Variants in UNK observed in about 807,000 individuals in gnomAD.
UNK encodes the protein unk zinc finger, also known as RING finger protein unkempt homolog.
In UNK, 32 loss-of-function variants were observed where a neutral mutation model predicts 97.6. The observed-to-expected ratio is 0.33, with a 90% confidence interval of 0.25 to 0.44. The LOEUF (loss-of-function observed/expected upper bound fraction) is 0.44. UNK is among the 20% of genes least tolerant of loss of function. The pLI is 1.00. For missense variants in UNK, 771 were observed against 1,098.4 expected (o/e 0.70, Z 4.21); for synonymous variants, 441 against 461.2 (o/e 0.96, Z 0.56).
chr17:75,818,695 T>C lies in UNK; in HGVS notation c.1425T>C (p.Ser475=), dbSNP rs776267684. ...GCCCCCTGACCTCAAGCATCTCTTCTAGTATCACCTCCAGCCTGGCAGCTA... is the reference window on the plus strand; with the variant it reads ...GCCCCCTGACCTCAAGCATCTCTTCCAGTATCACCTCCAGCCTGGCAGCTA... ...AGSPLTSSIS[S]SITSSLAATP... The change falls in exon 11 of 16, where the codon TCT becomes TCC. Residue 475 remains serine, a synonymous_variant. Coordinates refer to ENST00000589666, the MANE Select transcript of UNK (RefSeq NM_001080419.3). This position sits in a 1 kb window ranked among gnomAD's most constrained non-coding sequence, Gnocchi z 5.1. 4 of 1,612,590 alleles carry C rather than the reference T, an allele frequency of 2.5e-6. No individual in the cohort carries two copies. In the South Asian group the frequency reaches 3.3e-5, roughly 13 times the overall value.
chr17:75,812,584 A>C lies in UNK; in HGVS notation c.621A>C (p.Gln207His). The C allele has an allele frequency of 6.2e-7, 1 of 1,612,744 alleles. No individual in the cohort carries two copies. The highest frequency in any genetic ancestry group is 8.5e-7 in the Non-Finnish European group (1 of 1,179,682). ...EKILSEEPRWQETAYVLGNYK... is the reference protein window; with the variant it reads ...EKILSEEPRWHETAYVLGNYK... ...TCCTCAGCGAGGAGCCTCGGTGGCA[A>C]GGTACAGGCATCCACACCTCGGCCG... The change falls in exon 4 of 16, where the codon CAA becomes CAC. Residue 207 changes from glutamine to histidine, a missense_variant and splice_region_variant. Transcript: ENST00000589666.
Position 75,818,218 on chromosome 17 carries a change from C to A in UNK, c.1371+50C>A. ...TCCCCTCTGCTGTGGACAGGAGTGG[C>A]CCAGAACCCCAGGAGGCTTCGGGGA... is the stretch of plus-strand genomic sequence containing the variant. On this transcript the variant is annotated intron_variant, in intron 10 of 15. Transcript: ENST00000589666. The surrounding 1 kb of genome is among the most constrained non-coding windows in gnomAD (Gnocchi z 5.1). The A allele has an allele frequency of 6.2e-7, 1 of 1,600,992 alleles. No homozygotes were observed. Among genetic ancestry groups the A allele is most frequent in the East Asian group, 2.2e-5 (1 of 44,736 alleles).
intron 1 of UNK, among the ~76,000 whole-genome samples, chr17:75,800,850 G>T (rs191271393): frequency 6.6e-6 from 1 of 152,228 alleles, no homozygotes; most frequent in East Asian, 1.9e-4. Context: ...TGCAACAGGA[G>T]ACTGACTATA....
chr17:75,785,709 T>G (rs1156367613), intron 1 of UNK: 2 of 152,082 alleles, frequency 1.3e-5, no homozygotes, highest in African/African-American at 4.8e-5. Context: ...CTGGAAGTCT[T>G]GCATCTGTGT....
In UNK at chr17:75,786,958, A is replaced by G. The variant is rs552277167; in HGVS notation, c.104+1974A>G. Among the ~76,000 whole-genome samples, 43 of 152,352 alleles carry G rather than the reference A, an allele frequency of 2.8e-4. 2 individuals carry two copies. The South Asian group carries it at 8.1e-3, about 29-fold the overall frequency. On this transcript the variant is annotated intron_variant, in intron 1 of 15. Transcript: ENST00000589666. ...GCTCTTGAGGTGTCTTAGGAAATCA[A>G]CAGGAGTAGGTGAAATAGCCAAGCT... is the stretch of plus-strand genomic sequence containing the variant.
intron 1 of UNK, among the ~76,000 whole-genome samples, chr17:75,801,225 C>G (rs1173180878): frequency 1.3e-5 from 2 of 152,064 alleles, no homozygotes; most frequent in Non-Finnish European, 2.9e-5. Context: ...TTTATACGTT[C>G]TTCATCACCA....
intron 14 of UNK, among the ~76,000 whole-genome samples, chr17:75,822,980 AGCTGCAGCCG>A (rs1374071323): frequency 6.6e-6 from 1 of 152,264 alleles, no homozygotes; most frequent in Admixed American, 6.5e-5. Flanking sequence ...CCCCCTGTCC[AGCTGCAGCCG>A]GCTACCCTAT....
intron 6 of UNK, among the ~76,000 whole-genome samples, chr17:75,814,812 C>A (rs955453283): frequency 6.6e-6 from 1 of 152,240 alleles, no homozygotes; most frequent in African/African-American, 2.4e-5. Context: ...TGACAGGGTT[C>A]ACATTGGCAG....
chr17:75,808,317 G>C (rs2061937200), intron 1 of UNK, among the ~76,000 whole-genome samples: 2 of 152,178 alleles, frequency 1.3e-5, no homozygotes, highest in Non-Finnish European at 2.9e-5. Context: ...AAGAGCATCA[G>C]GCCATAGGGA....
In UNK at chr17:75,806,221, C is replaced by T. The variant is rs143823308; in HGVS notation, c.105-3539C>T. 5.3e-3 allele frequency among the ~76,000 whole-genome samples: 812 copies of T among 152,052 alleles called. 5 individuals carry two copies. The highest frequency in any genetic ancestry group is 0.018 in the African/African-American group (731 of 41,458). ...CTGTAATCCCGGCACTTTGGGAGGC[C>T]GAGGCGGGCGGATCGCAAGTTCAGG... On this transcript the variant is annotated intron_variant, in intron 1 of 15. Transcript: ENST00000589666.
intron 1 of UNK, among the ~76,000 whole-genome samples, chr17:75,803,118 G>A (rs1030097379): frequency 6.7e-6 from 1 of 148,312 alleles, no homozygotes; most frequent in Non-Finnish European, 1.5e-5. Flanking sequence ...AAAATTACAG[G>A]CCGGACGCGG....
intron 1 of UNK, among the ~76,000 whole-genome samples, chr17:75,802,423 T>C (rs957244395): frequency 6.6e-6 from 1 of 151,786 alleles, no homozygotes; most frequent in Non-Finnish European, 1.5e-5. Context: ...CTTAGTTTTT[T>C]AAAAAAATGT....
At chr17:75,797,470 G>A (rs1567796433) in intron 1 of UNK, among the ~76,000 whole-genome samples, 1 of 152,220 alleles carries the variant, frequency 6.6e-6, no homozygotes, top group Non-Finnish European at 1.5e-5. Flanking sequence ...CCTGACCTCA[G>A]GCGATCCGCC....
rs1425590907 is a variant in UNK, at chr17:75,819,884, C to T, written c.1649-36C>T. On this transcript the variant is annotated intron_variant, in intron 12 of 15. Coordinates refer to ENST00000589666, the MANE Select transcript of UNK (RefSeq NM_001080419.3). This position sits in a 1 kb window ranked among gnomAD's most constrained non-coding sequence, Gnocchi z 5.4. The stretch of plus-strand genomic sequence containing the variant: ...TGTGGCCCGCCTGGCTTCCGCTGCC[C>T]TCACCCAGCCCGTCCTCCCCGGGCC... 3 of 1,601,780 alleles carry T rather than the reference C, an allele frequency of 1.9e-6. No homozygotes were observed. The highest frequency in any genetic ancestry group is 2.6e-6 in the Non-Finnish European group (3 of 1,173,516).
intron 1 of UNK, among the ~76,000 whole-genome samples, chr17:75,809,497 A>C (rs541658423): frequency 6.6e-6 from 1 of 152,360 alleles, no homozygotes; most frequent in East Asian, 1.9e-4. Context: ...TTAACGCCAC[A>C]GCTGGTCAAC....
At chr17:75,793,887 T>A (rs987103676) in intron 1 of UNK, 1 of 985,412 alleles carries the variant, frequency 1.0e-6, no homozygotes, top group Non-Finnish European at 1.2e-6. Flanking sequence ...GATAAAAACC[T>A]TTAGCATGGT....
At position 75,817,576 on chromosome 17, in the gene UNK, C is replaced by G. The variant is rs759095352; in HGVS notation, c.1305+50C>G. 9.1e-5 allele frequency: 138 copies of G among 1,518,636 alleles called. No homozygotes were observed. Among genetic ancestry groups the G allele is most frequent in the South Asian group, 8.0e-4 (64 of 80,020 alleles). The allele number at this position is 1,518,636 out of a possible 1,614,324, so 94.1% of individuals were successfully genotyped here. A position where few individuals can be genotyped will look rare whatever the true frequency, so the allele number is the denominator to read the frequency against. ...GAGGTTAGCCTTCTCCTGCGTGGGGCAAGAGAATCTTGGAGGAGTGTCTTG... is the reference window on the plus strand; with the variant it reads ...GAGGTTAGCCTTCTCCTGCGTGGGGGAAGAGAATCTTGGAGGAGTGTCTTG... On this transcript the variant is annotated intron_variant, in intron 9 of 15. Coordinates refer to ENST00000589666, the MANE Select transcript of UNK (RefSeq NM_001080419.3). The surrounding 1 kb of genome is among the most constrained non-coding windows in gnomAD (Gnocchi z 5.8).
In UNK at chr17:75,819,734, GAGA is replaced by G. The variant is rs2062049113; in HGVS notation, c.1601_1603del (p.Lys534del). ...GAATGAGTTTGGCGTGGCCGCCCTG[GAGA>G]AGACTTTCGATAACAGCACAGTGCC... On this transcript the variant is annotated inframe_deletion, in exon 12 of 16. Coordinates refer to ENST00000589666, the MANE Select transcript of UNK (RefSeq NM_001080419.3). This position sits in a 1 kb window ranked among gnomAD's most constrained non-coding sequence, Gnocchi z 5.4. 1 of 1,613,878 alleles carries G rather than the reference GAGA, an allele frequency of 6.2e-7. No homozygotes were observed. The highest frequency in any genetic ancestry group is 1.3e-5 in the African/African-American group (1 of 75,056).
intron 1 of UNK, among the ~76,000 whole-genome samples, chr17:75,803,411 C>T (rs552569290): frequency 7.2e-5 from 11 of 152,070 alleles, no homozygotes; most frequent in African/African-American, 2.4e-4. Flanking sequence ...AAAAGAAGGC[C>T]GATTTCATGT....
Sources: allele counts gnomAD v4.1 joint callset (sites outside exome capture counted in the v4.1 genomes callset), GRCh38; gene constraint gnomAD v4.1.1; non-coding constraint Gnocchi (gnomAD v3.1); transcripts MANE v1.5; gene names NCBI Gene and HGNC (gene_info 2026-07-23, HGNC 2026-07-21).